ZNF804A: variants seen among roughly 807,000 people sequenced by gnomAD.
ZNF804A encodes the protein zinc finger protein 804A.
Under a neutral mutation model 16.5 loss-of-function variants are expected in ZNF804A, and 2 were observed. That is an observed-to-expected ratio of 0.12 (90% CI 0.05 to 0.38). The LOEUF (loss-of-function observed/expected upper bound fraction) is 0.38. Among genes scored for constraint, ZNF804A ranks in the 10% least tolerant of loss-of-function variants. The pLI is 0.99. For missense variants in ZNF804A, 1,473 were observed against 1,390.7 expected (o/e 1.06, Z -0.94); for synonymous variants, 534 against 489.6 (o/e 1.09, Z -1.20).
chr2:184,897,466 A>G (rs1283230775), intron 2 of ZNF804A, among the ~76,000 whole-genome samples: 1 of 148,420 alleles, frequency 6.7e-6, no homozygotes, highest in Non-Finnish European at 1.5e-5. Context: ...CTTTCCATAC[A>G]GCATTTTTTT....
chr2:184,846,376 G>C (rs548553428), intron 1 of ZNF804A, among the ~76,000 whole-genome samples: 1 of 152,184 alleles, frequency 6.6e-6, no homozygotes, highest in East Asian at 1.9e-4. Flanking sequence ...AGAGAAAATG[G>C]CCAATGCCTA....
intron 1 of ZNF804A, among the ~76,000 whole-genome samples, chr2:184,672,542 A>T (rs1692353307): frequency 6.6e-6 from 1 of 152,240 alleles, no homozygotes; most frequent in South Asian, 2.1e-4. Flanking sequence ...TGATGAAATT[A>T]TAAAATATGT....
chr2:184,710,899 T>C (rs1467415020), intron 1 of ZNF804A, among the ~76,000 whole-genome samples: 1 of 151,856 alleles, frequency 6.6e-6, no homozygotes, highest in East Asian at 1.9e-4. Context: ...TATTTGTCCA[T>C]TTATCCATTG....
At chr2:184,815,626 A>G (rs1694971764) in intron 1 of ZNF804A, among the ~76,000 whole-genome samples, 1 of 152,012 alleles carries the variant, frequency 6.6e-6, no homozygotes, top group Admixed American at 6.6e-5. Context: ...TAATATCTAT[A>G]AAGCAGTTTT....
chr2:184,818,225 C>T lies in ZNF804A; in HGVS notation c.112-48144C>T, dbSNP rs1695012951. On this transcript the variant is annotated intron_variant, in intron 1 of 3. Transcript: ENST00000302277. ...AGTGGAACTCTCAGCAGAAACCTTA[C>T]AATCCACAAGAGACTGGGGGCTAAT... Among the ~76,000 whole-genome samples the T allele has an allele frequency of 4.6e-5, 7 of 152,004 alleles. No individual in the cohort carries two copies. The South Asian group carries it at 1.5e-3, about 31-fold the overall frequency.
chr2:184,881,756 T>C (rs1032973896), intron 2 of ZNF804A, among the ~76,000 whole-genome samples: 7 of 152,028 alleles, frequency 4.6e-5, no homozygotes, highest in African/African-American at 1.7e-4. Context: ...AATGACCAAA[T>C]AACTACCAGA....
Position 184,856,682 on chromosome 2 carries a change from G to T in ZNF804A, c.112-9687G>T, listed in dbSNP as rs952519550. On this transcript the variant is annotated intron_variant, in intron 1 of 3. Transcript: ENST00000302277. The stretch of plus-strand genomic sequence containing the variant: ...GATAGTGACACCTTTGCTTTCTGTT[G>T]GTTCAGTATATTCAAACTTTGTTGC... Among the ~76,000 whole-genome samples, 4 of 151,922 alleles carry T rather than the reference G, an allele frequency of 2.6e-5. 1 individual carries two copies. The highest frequency in any genetic ancestry group is 5.9e-5 in the Non-Finnish European group (4 of 67,948).
intron 1 of ZNF804A, among the ~76,000 whole-genome samples, chr2:184,724,947 T>C (rs766126148): frequency 6.6e-6 from 1 of 151,770 alleles, no homozygotes; most frequent in Non-Finnish European, 1.5e-5. Flanking sequence ...AAGATAAGAG[T>C]AATGTGAAAG....
intron 1 of ZNF804A, among the ~76,000 whole-genome samples, chr2:184,685,047 A>C (rs1172999567): frequency 6.6e-6 from 1 of 151,968 alleles, no homozygotes; most frequent in Non-Finnish European, 1.5e-5. Flanking sequence ...TGGATCCTAC[A>C]CCTGCCAAGA....
At chr2:184,731,601 G>C (rs1305096807) in intron 1 of ZNF804A, among the ~76,000 whole-genome samples, 2 of 115,844 alleles carry the variant, frequency 1.7e-5, no homozygotes, top group African/African-American at 6.8e-5. Flanking sequence ...ACAGGGTCTT[G>C]CTGTGTTATC....
At chr2:184,605,891 T>C (rs1221889305) in intron 1 of ZNF804A, among the ~76,000 whole-genome samples, 6 of 152,168 alleles carry the variant, frequency 3.9e-5, no homozygotes, top group Admixed American at 3.9e-4. Context: ...TAAGATTAAG[T>C]GGAGTAATAA....
intron 1 of ZNF804A, among the ~76,000 whole-genome samples, chr2:184,754,781 T>A (rs867429486): frequency 2.6e-5 from 4 of 151,970 alleles, no homozygotes; most frequent in South Asian, 4.2e-4. Context: ...TTAAAAAAAA[T>A]TGTGTCTTAT....
chr2:184,935,105 T>A (rs577007470), intron 3 of ZNF804A, among the ~76,000 whole-genome samples: 1 of 152,286 alleles, frequency 6.6e-6, no homozygotes, highest in East Asian at 1.9e-4. Flanking sequence ...CACTACAGTG[T>A]AATGTAATTC....
intron 1 of ZNF804A, among the ~76,000 whole-genome samples, chr2:184,708,449 C>T (rs1214770960): frequency 6.6e-6 from 1 of 152,034 alleles, no homozygotes; most frequent in African/African-American, 2.4e-5. Flanking sequence ...GAAAAAGAGA[C>T]ACCTCAATCT....
intron 2 of ZNF804A, among the ~76,000 whole-genome samples, chr2:184,910,195 T>A (rs1685333986): frequency 6.6e-6 from 1 of 151,910 alleles, no homozygotes; most frequent in Non-Finnish European, 1.5e-5. Flanking sequence ...GCACCAAATA[T>A]CTAGTTCCCA....
chr2:184,744,403 A>T (rs1460946828), intron 1 of ZNF804A, among the ~76,000 whole-genome samples: 1 of 151,848 alleles, frequency 6.6e-6, no homozygotes, highest in African/African-American at 2.4e-5. Context: ...AGTGCCTTTA[A>T]AAAGTGATTA....
chr2:184,690,454 A>G (rs941409219), intron 1 of ZNF804A, among the ~76,000 whole-genome samples: 5 of 152,042 alleles, frequency 3.3e-5, no homozygotes, highest in Non-Finnish European at 5.9e-5. Flanking sequence ...ATAATCTGAT[A>G]AACTACAAGT....
At position 184,829,899 on chromosome 2, in the gene ZNF804A, C is replaced by CAAAAAAAAAA. The variant is rs1244566222; in HGVS notation, c.112-36456_112-36447dup. ...CAACATGTCAAAACCCTGTCTCTAC[C>CAAAAAAAAAA]AAAAAAAAAAAAAAAAAAAAAAACA... On this transcript the variant is annotated intron_variant, in intron 1 of 3. Coordinates refer to ENST00000302277, the MANE Select transcript of ZNF804A (RefSeq NM_194250.2). Among the ~76,000 whole-genome samples the CAAAAAAAAAA allele has an allele frequency of 2.1e-3, 83 of 38,680 alleles. 4 individuals are homozygous for CAAAAAAAAAA. Among genetic ancestry groups the CAAAAAAAAAA allele is most frequent in the African/African-American group, 4.5e-3 (48 of 10,654 alleles). The allele number at this position is 38,680 out of a possible 152,430, so 25.4% of individuals were successfully genotyped here.
Position 184,828,451 on chromosome 2 carries a change from T to G in ZNF804A, c.112-37918T>G, listed in dbSNP as rs1695207107. On this transcript the variant is annotated intron_variant, in intron 1 of 3. Coordinates refer to ENST00000302277, the MANE Select transcript of ZNF804A (RefSeq NM_194250.2). ...TAATGCTTTACTCTTTTAATTTTGATGGTCACAATTGTAAATACAAAGAGC... is the reference window on the plus strand; with the variant it reads ...TAATGCTTTACTCTTTTAATTTTGAGGGTCACAATTGTAAATACAAAGAGC... 2.6e-5 allele frequency among the ~76,000 whole-genome samples: 4 copies of G among 151,974 alleles called. No individual in the cohort carries two copies. In the South Asian group the frequency reaches 8.3e-4, roughly 31 times the overall value.
Sources: gnomAD v4.1 joint callset for allele counts (sites outside exome capture counted in the v4.1 genomes callset) on GRCh38, gnomAD v4.1.1 for gene constraint, MANE v1.5 for transcripts, NCBI Gene and HGNC (gene_info 2026-07-23, HGNC 2026-07-21) for gene names.